ADCY8: variants seen among roughly 807,000 people sequenced by gnomAD.
ADCY8 encodes adenylate cyclase type 8.
ADCY8 carries 51 observed loss-of-function variants against 119.7 expected under a neutral mutation model. The observed-to-expected ratio is 0.43, with a 90% CI of 0.34 to 0.54. The LOEUF is 0.54. Ranked by LOEUF, ADCY8 falls within the 20% of genes least tolerant of loss-of-function variation. The pLI is 0.03. For synonymous variants in ADCY8, 665 were observed against 651.0 expected (o/e 1.02, Z -0.33); for missense variants, 1,383 against 1,598.8 (o/e 0.87, Z 2.30).
At chr8:130,958,620 G>T (rs780604244) in intron 2 of ADCY8, among the ~76,000 whole-genome samples, 1 of 152,152 alleles carries the variant, frequency 6.6e-6, no homozygotes, top group African/African-American at 2.4e-5. Context: ...GGCTTGTGCA[G>T]GGGAACTCAT....
At chr8:130,904,160 C>T (rs149250284) in intron 6 of ADCY8, 118 bp from the exon 7 acceptor site, 16,294 of 1,014,682 alleles carry the variant, frequency 0.016, 167 homozygotes, top group Non-Finnish European at 0.02. Flanking sequence ...AGGACATGTC[C>T]TCAGGGACAA....
chr8:130,909,994 A>G (rs1301250538), intron 5 of ADCY8, 128 bp from the exon 6 acceptor site: 7 of 834,660 alleles, frequency 8.4e-6, no homozygotes, highest in South Asian at 5.5e-5. Flanking sequence ...CTGGAGTGCA[A>G]TGGAGCTGCA....
intron 10 of ADCY8, among the ~76,000 whole-genome samples, chr8:130,849,347 G>A (rs528625587): frequency 2.0e-5 from 3 of 152,284 alleles, no homozygotes; most frequent in East Asian, 3.9e-4. Flanking sequence ...TGACAATATG[G>A]AAATTGAAGG....
At chr8:130,846,795 C>T (rs1193642059) in intron 11 of ADCY8, among the ~76,000 whole-genome samples, 1 of 64,086 alleles carries the variant, frequency 1.6e-5, no homozygotes, top group Non-Finnish European at 3.2e-5. Context: ...CTTCCTTCTC[C>T]TTCCTTCCTT....
chr8:130,858,682 G>A (rs892702845), intron 9 of ADCY8, among the ~76,000 whole-genome samples: 7 of 152,270 alleles, frequency 4.6e-5, no homozygotes, highest in African/African-American at 1.7e-4. Context: ...CCTCCTCACT[G>A]AGGATGAATT....
chr8:130,870,769 T>C (rs1818325470), intron 8 of ADCY8, among the ~76,000 whole-genome samples: 1 of 152,138 alleles, frequency 6.6e-6, no homozygotes, highest in Admixed American at 6.5e-5. Flanking sequence ...TTGCGTAAGA[T>C]ATTATATTTT....
At chr8:131,003,213 C>CACACACACACAT (rs1823008868) in intron 1 of ADCY8, among the ~76,000 whole-genome samples, 1 of 151,332 alleles carries the variant, frequency 6.6e-6, no homozygotes, top group African/African-American at 2.4e-5. Context: ...CCATCACACA[C>CACACACACACAT]ACACACACAC....
chr8:130,948,692 G>A (rs1475202730), intron 3 of ADCY8, among the ~76,000 whole-genome samples: 2 of 149,848 alleles, frequency 1.3e-5, no homozygotes, highest in Non-Finnish European at 3.0e-5. Flanking sequence ...TAATGCACCA[G>A]GCAGTTTACC....
chr8:131,028,791 C>T (rs966683098), intron 1 of ADCY8, among the ~76,000 whole-genome samples: 8 of 152,234 alleles, frequency 5.3e-5, no homozygotes, highest in African/African-American at 1.4e-4. Context: ...CTGCTTTGTC[C>T]GATATCTTCC....
At chr8:130,956,496 A>C (rs1821429430) in intron 2 of ADCY8, among the ~76,000 whole-genome samples, 1 of 152,102 alleles carries the variant, frequency 6.6e-6, no homozygotes, top group African/African-American at 2.4e-5. Context: ...ATTAGTCACT[A>C]CCTCCAAAAG....
At chr8:130,858,070 C>T (rs771926612) in intron 9 of ADCY8, among the ~76,000 whole-genome samples, 3 of 152,228 alleles carry the variant, frequency 2.0e-5, no homozygotes, top group Middle Eastern at 3.4e-3. Flanking sequence ...TGATATGATC[C>T]TAATAGTGTT....
At chr8:131,012,242 A>G (rs948823531) in intron 1 of ADCY8, among the ~76,000 whole-genome samples, 2 of 152,124 alleles carry the variant, frequency 1.3e-5, no homozygotes, top group African/African-American at 4.8e-5. Context: ...GGGTTCTTCT[A>G]TGGCCTGAGG....
intron 8 of ADCY8, 46 bp downstream of exon 8, chr8:130,884,518 C>T (rs1443678205): frequency 1.9e-6 from 3 of 1,598,506 alleles, no homozygotes; most frequent in African/African-American, 1.3e-5. Flanking sequence ...TGAACATCTA[C>T]CACAATTTAC....
intron 17 of ADCY8, among the ~76,000 whole-genome samples, chr8:130,783,156 T>C (rs140627206): frequency 1.3e-3 from 191 of 152,360 alleles, no homozygotes; most frequent in African/African-American, 4.4e-3. Flanking sequence ...TTGCAGTGAT[T>C]AATGTTACGT....
intron 12 of ADCY8, among the ~76,000 whole-genome samples, chr8:130,832,086 G>A (rs552259659): frequency 6.6e-6 from 1 of 152,230 alleles, no homozygotes; most frequent in East Asian, 1.9e-4. Context: ...GGAACAGCTG[G>A]GATTTCAATT....
chr8:131,016,509 T>C (rs1350654417), intron 1 of ADCY8, among the ~76,000 whole-genome samples: 1 of 152,114 alleles, frequency 6.6e-6, no homozygotes, highest in East Asian at 1.9e-4. Flanking sequence ...ATCTCTCTCT[T>C]TTAAAAAATA....
intron 1 of ADCY8, among the ~76,000 whole-genome samples, chr8:131,032,547 G>A (rs1824027462): frequency 6.6e-6 from 1 of 152,004 alleles, no homozygotes; most frequent in Non-Finnish European, 1.5e-5. Context: ...TGGCATAGTG[G>A]CATTTGCTGG....
intron 17 of ADCY8, 108 bp downstream of exon 17, chr8:130,783,583 T>C: frequency 2.9e-6 from 2 of 698,744 alleles, no homozygotes; most frequent in Non-Finnish European, 4.9e-6. Context: ...CTAGATCTAT[T>C]GCATTTTGCA....
At chr8:130,859,549 C>A (rs1036891328) in intron 9 of ADCY8, among the ~76,000 whole-genome samples, 1 of 152,208 alleles carries the variant, frequency 6.6e-6, no homozygotes, top group Non-Finnish European at 1.5e-5. Flanking sequence ...CCATTTTACT[C>A]CCCACATCCC....
Sources: gnomAD v4.1 joint callset for allele counts (sites outside exome capture counted in the v4.1 genomes callset) on GRCh38, gnomAD v4.1.1 for gene constraint, MANE v1.5 for transcripts, NCBI Gene and HGNC (gene_info 2026-07-23, HGNC 2026-07-21) for gene names.